The following KIAA1549L variants were observed in gnomAD, a reference collection of about 807,000 sequenced individuals.
KIAA1549L encodes the protein KIAA1549 like, also known as UPF0606 protein KIAA1549L.
KIAA1549L carries 88 observed loss-of-function variants against 160.7 expected under a neutral mutation model. That is an observed-to-expected ratio of 0.55 (90% CI 0.46 to 0.65). The LOEUF (loss-of-function observed/expected upper bound fraction) is 0.65, where lower values mean the gene tolerates loss of function less well. KIAA1549L is among the 30% of genes least tolerant of loss of function. The pLI is 0.00. For synonymous variants in KIAA1549L, 950 were observed against 976.7 expected, an observed-to-expected ratio of 0.97 and a Z score of 0.51; for missense variants, 2,258 against 2,437.5, an observed-to-expected ratio of 0.93 and a Z score of 1.55.
rs763270549 is a variant in KIAA1549L, at chr11:33,609,739, C to T, written c.5062-10C>T. 8 of 1,594,512 alleles carry T rather than the reference C, an allele frequency of 5.0e-6. 1 individual carries two copies. In the South Asian group the frequency reaches 6.8e-5, roughly 14 times the overall value. On this transcript the variant is annotated splice_polypyrimidine_tract_variant and intron_variant, in intron 14 of 20. Coordinates refer to ENST00000658780, the MANE Select transcript of KIAA1549L (RefSeq NM_012194.3). Reference sequence around the variant, plus strand: ...GTCAGGTTTGGGCCTGAGACTGCCTCTCTCCCCAGGTGAACAAAGCCCTGA... The same window carrying T: ...GTCAGGTTTGGGCCTGAGACTGCCTTTCTCCCCAGGTGAACAAAGCCCTGA...
intron 18 of KIAA1549L, 57 bp from the exon 19 acceptor site, chr11:33,658,693 T>C (rs1762025142): frequency 1.3e-6 from 2 of 1,541,144 alleles, no homozygotes; most frequent in African/African-American, 1.4e-5. Flanking sequence ...CTCCTCCTGC[T>C]CGGGACGCCG....
intron 1 of KIAA1549L, among the ~76,000 whole-genome samples, chr11:33,536,162 C>G (rs1166180453): frequency 6.6e-6 from 1 of 152,206 alleles, no homozygotes; most frequent in Non-Finnish European, 1.5e-5. Flanking sequence ...CACACATATA[C>G]TATTTCAGTT....
At chr11:33,550,947 G>A in intron 4 of KIAA1549L, 93 bp from the exon 5 acceptor site, 1 of 1,004,704 alleles carries the variant, frequency 1.0e-6, no homozygotes, top group South Asian at 1.3e-5. Context: ...CTCCAGTCTT[G>A]TTTCTAACAG....
intron 1 of KIAA1549L, among the ~76,000 whole-genome samples, chr11:33,521,545 G>A (rs1038967807): frequency 1.3e-5 from 2 of 152,230 alleles, no homozygotes; most frequent in South Asian, 2.1e-4. Flanking sequence ...CATGTGGCAG[G>A]TACTCAGCAG....
chr11:33,600,564 T>C (rs781456022), intron 13 of KIAA1549L, among the ~76,000 whole-genome samples: 12 of 148,582 alleles, frequency 8.1e-5, no homozygotes, highest in Admixed American at 6.0e-4. Context: ...TTCCTTCCTT[T>C]CCTTCCTTCC....
chr11:33,492,785 A>G (rs2133070183), intron 1 of KIAA1549L, among the ~76,000 whole-genome samples: 1 of 152,202 alleles, frequency 6.6e-6, no homozygotes, highest in African/African-American at 2.4e-5. Flanking sequence ...CATTCTATTC[A>G]TTATTCTGTC....
intron 12 of KIAA1549L, among the ~76,000 whole-genome samples, chr11:33,592,964 T>G (rs1243001207): frequency 6.6e-6 from 1 of 152,196 alleles, no homozygotes; most frequent in African/African-American, 2.4e-5. Context: ...TCAAGGGGGC[T>G]GGCATGAACT....
At chr11:33,508,748 G>A (rs888376005) in intron 1 of KIAA1549L, among the ~76,000 whole-genome samples, 6 of 152,178 alleles carry the variant, frequency 3.9e-5, no homozygotes, top group African/African-American at 1.4e-4. Flanking sequence ...CCACCCTCTT[G>A]AAAATCCCTT....
At chr11:33,523,825 T>C (rs1291175855) in intron 1 of KIAA1549L, among the ~76,000 whole-genome samples, 1 of 152,232 alleles carries the variant, frequency 6.6e-6, no homozygotes, top group Non-Finnish European at 1.5e-5. Flanking sequence ...AATTTTTATA[T>C]AATTGCACAG....
chr11:33,605,554 C>T (rs1850479031), intron 13 of KIAA1549L, among the ~76,000 whole-genome samples: 1 of 152,134 alleles, frequency 6.6e-6, no homozygotes, highest in Non-Finnish European at 1.5e-5. Flanking sequence ...AGTGTTTTAG[C>T]CACTTTGTAA....
intron 15 of KIAA1549L, among the ~76,000 whole-genome samples, 184 bp downstream of exon 15, chr11:33,610,150 T>C (rs1005415812): frequency 2.0e-5 from 3 of 151,378 alleles, no homozygotes; most frequent in African/African-American, 7.4e-5. Context: ...GAGAGTAACA[T>C]TAAAGCCATT....
At chr11:33,524,971 G>C (rs1159961644) in intron 1 of KIAA1549L, among the ~76,000 whole-genome samples, 2 of 152,154 alleles carry the variant, frequency 1.3e-5, no homozygotes, top group East Asian at 1.9e-4. Flanking sequence ...AGAGAAAAGG[G>C]ATTTATCATA....
intron 15 of KIAA1549L, among the ~76,000 whole-genome samples, chr11:33,613,450 G>A (rs1850699706): frequency 6.6e-6 from 1 of 152,120 alleles, no homozygotes; most frequent in Non-Finnish European, 1.5e-5. Flanking sequence ...GGTTTAATTG[G>A]CTCACAGTTC....
At chr11:33,647,621 A>G (rs1255027641) in intron 17 of KIAA1549L, among the ~76,000 whole-genome samples, 1 of 152,162 alleles carries the variant, frequency 6.6e-6, no homozygotes, top group Non-Finnish European at 1.5e-5. Flanking sequence ...TTTATAAACC[A>G]TAGACTGTAA....
intron 1 of KIAA1549L, among the ~76,000 whole-genome samples, chr11:33,423,271 T>C (rs938414592): frequency 6.6e-6 from 1 of 152,232 alleles, no homozygotes; most frequent in Non-Finnish European, 1.5e-5. Context: ...CAGAGCCACA[T>C]GAATTCTGCT....
At chr11:33,456,023 G>A (rs999451105) in intron 1 of KIAA1549L, among the ~76,000 whole-genome samples, 13 of 152,192 alleles carry the variant, frequency 8.5e-5, no homozygotes, top group Non-Finnish European at 1.2e-4. Context: ...CATCTCTTAG[G>A]AAAGTGGAAG....
Position 33,668,251 on chromosome 11 carries a change from G to C in KIAA1549L, c.*97G>C. 1 of 1,148,920 alleles carries C rather than the reference G, an allele frequency of 8.7e-7. No individual in the cohort carries two copies. 71.2% of individuals were successfully genotyped at this position (1,148,920 alleles called of 1,614,324 possible). ...GTTAGGACTTGAGACATAGCAATGGGTGAGTCTTTCTCACCCTCCATTTCT... is the reference window on the plus strand; with the variant it reads ...GTTAGGACTTGAGACATAGCAATGGCTGAGTCTTTCTCACCCTCCATTTCT... On this transcript the variant is annotated 3_prime_UTR_variant, in exon 21 of 21. Coordinates refer to ENST00000658780, the MANE Select transcript of KIAA1549L (RefSeq NM_012194.3).
chr11:33,529,264 G>A (rs1379863691), intron 1 of KIAA1549L, among the ~76,000 whole-genome samples: 5 of 152,046 alleles, frequency 3.3e-5, no homozygotes, highest in Admixed American at 1.3e-4. Flanking sequence ...GAGCCCAGGA[G>A]GTTGAGGCTG....
intron 11 of KIAA1549L, among the ~76,000 whole-genome samples, chr11:33,588,996 T>C (rs1162768760): frequency 6.6e-6 from 1 of 152,220 alleles, no homozygotes; most frequent in East Asian, 1.9e-4. Flanking sequence ...GCCACAGTTC[T>C]AGACTGGATT....
Sources: gnomAD v4.1 joint callset for allele counts (sites outside exome capture counted in the v4.1 genomes callset) on GRCh38, gnomAD v4.1.1 for gene constraint, MANE v1.5 for transcripts, NCBI Gene and HGNC (gene_info 2026-07-23, HGNC 2026-07-21) for gene names.